ZFX: variants seen among roughly 807,000 people sequenced by gnomAD.
ZFX encodes zinc finger protein X-linked.
For missense variants in ZFX, 362 were observed against 628.3 expected (o/e 0.58, Z 4.53); for synonymous variants, 196 against 226.8 (o/e 0.86, Z 1.22).
chrX:24,198,398 C>G (rs935929569), intron 5 of ZFX, among the ~76,000 whole-genome samples: 5 of 109,205 alleles, frequency 4.6e-5, no homozygotes, highest in Non-Finnish European at 7.6e-5. Context: ...GATGGTCTCA[C>G]TATATTACCC....
chrX:24,165,971 A>G (rs1164790081), intron 3 of ZFX, among the ~76,000 whole-genome samples: 1 of 112,688 alleles, frequency 8.9e-6, no homozygotes, highest in Non-Finnish European at 1.9e-5. Context: ...GGATATTGCT[A>G]AATTATTGAA....
At chrX:24,155,612 A>G (rs1932746727) in intron 3 of ZFX, among the ~76,000 whole-genome samples, 3 of 112,435 alleles carry the variant, frequency 2.7e-5, no homozygotes, top group Non-Finnish European at 5.6e-5. Flanking sequence ...GGGAATTGCC[A>G]AAATGGCAAA....
chrX:24,153,325 C>T (rs756020026), intron 3 of ZFX, among the ~76,000 whole-genome samples: 8 of 111,467 alleles, frequency 7.2e-5, no homozygotes, highest in Admixed American at 2.9e-4. Context: ...CCCTTCATGC[C>T]TTTCCTGTCT....
chrX:24,183,921 A>G (rs1040232299), intron 5 of ZFX, among the ~76,000 whole-genome samples: 2 of 108,384 alleles, frequency 1.8e-5, no homozygotes, highest in African/African-American at 3.4e-5. Context: ...TGCCCAGCTA[A>G]TTTTTTTGTA....
intron 5 of ZFX, among the ~76,000 whole-genome samples, chrX:24,198,078 A>C (rs913826260): frequency 4.4e-5 from 5 of 112,407 alleles, no homozygotes; most frequent in Non-Finnish European, 9.4e-5. Flanking sequence ...CTAGCTATAA[A>C]ATATTTGGGG....
chrX:24,163,364 G>GTTT (rs66467960), intron 3 of ZFX, among the ~76,000 whole-genome samples: 707 of 19,063 alleles, frequency 0.037, 255 homozygotes, highest in Non-Finnish European at 0.047. Context: ...TTTTTGTTAG[G>GTTT]TTTTTTTTTT....
chrX:24,167,590 A>C (rs1294091084), intron 3 of ZFX, among the ~76,000 whole-genome samples: 2 of 112,037 alleles, frequency 1.8e-5, no homozygotes, highest in African/African-American at 3.2e-5. Context: ...AAAAAAGAAA[A>C]GATTGCTATG....
At chrX:24,160,097 A>G (rs917637561) in intron 3 of ZFX, among the ~76,000 whole-genome samples, 1 of 110,199 alleles carries the variant, frequency 9.1e-6, no homozygotes, top group Admixed American at 9.8e-5. Flanking sequence ...TTTTTAACAT[A>G]GTTATTTTTA....
In ZFX at chrX:24,213,679, T is replaced by TG. The variant is rs1454136249; in HGVS notation, c.*2303_*2304insG. ...TACCTTCTTGGCCCCCATAATGTGT[T>TG]TTTTTTTTTTTTTTTTTTTTAAACT... On this transcript the variant is annotated 3_prime_UTR_variant, in exon 10 of 10. Coordinates refer to ENST00000304543, the MANE Select transcript of ZFX (RefSeq NM_003410.4). 7.0e-5 allele frequency: 4 copies of TG among 57,472 alleles called. No individual in the cohort carries two copies. Among genetic ancestry groups the TG allele is most frequent in the South Asian group, 8.0e-4 (1 of 1,252 alleles). 4.7% of individuals were successfully genotyped at this position (57,472 alleles called of 1,213,427 possible). A position where few individuals can be genotyped will look rare whatever the true frequency, so the allele number is the denominator to read the frequency against.
chrX:24,211,639 A>G lies in ZFX; in HGVS notation c.*263A>G. 1 of 317,604 alleles carries G rather than the reference A, an allele frequency of 3.1e-6. No individual in the cohort carries two copies. The highest frequency in any genetic ancestry group is 5.4e-5 in the East Asian group (1 of 18,415). 26.2% of individuals were successfully genotyped at this position (317,604 alleles called of 1,213,427 possible). A position where few individuals can be genotyped will look rare whatever the true frequency, so the allele number is the denominator to read the frequency against. On this transcript the variant is annotated 3_prime_UTR_variant, in exon 10 of 10. Transcript: ENST00000304543. ...AAAGTAATCCCTGATTCTATACCGA[A>G]GTTTTATATCTTAGAATTTTATATT... is the stretch of plus-strand genomic sequence containing the variant.
At chrX:24,162,055 GAAA>G (rs202137665) in intron 3 of ZFX, among the ~76,000 whole-genome samples, 1 of 82,380 alleles carries the variant, frequency 1.2e-5, no homozygotes, top group Admixed American at 1.3e-4. Context: ...GTCTAAAAAG[GAAA>G]AAAAAAAAAA....
intron 5 of ZFX, among the ~76,000 whole-genome samples, chrX:24,188,192 T>A (rs746282222): frequency 0.01 from 1,009 of 100,823 alleles, 11 homozygotes; most frequent in African/African-American, 0.035. Context: ...AAAAAAAAAA[T>A]TTTTTTTTTG....
chrX:24,164,553 A>G (rs1319900116), intron 3 of ZFX, among the ~76,000 whole-genome samples: 1 of 111,900 alleles, frequency 8.9e-6, no homozygotes, highest in Non-Finnish European at 1.9e-5. Flanking sequence ...GAGATATAGT[A>G]TGGTCAATAT....
chrX:24,180,528 C>T (rs915912467), intron 5 of ZFX, among the ~76,000 whole-genome samples: 77 of 110,104 alleles, frequency 7.0e-4, no homozygotes, highest in African/African-American at 2.2e-3. Context: ...ATTGTAGGCA[C>T]GCACCACCAC....
Position 24,208,325 on chromosome X carries a change from A to G in ZFX, c.1048A>G (p.Asn350Asp), listed in dbSNP as rs1414885853. 3 of 1,209,467 alleles carry G rather than the reference A, an allele frequency of 2.5e-6. No homozygotes were observed. In the Admixed American group the frequency reaches 6.6e-5, roughly 27 times the overall value. The change falls in exon 8 of 10, where the codon AAT becomes GAT. Residue 350 changes from asparagine (N) to aspartate (D), a missense_variant. Asn to Asp is a conservative substitution (Grantham distance 23). Coordinates refer to ENST00000304543, the MANE Select transcript of ZFX (RefSeq NM_003410.4). ...AAVHEQQMDD[N>D]EIKTFMPIAW... is the part of the protein sequence containing the mutation. Reference sequence around the variant, plus strand: ...CGTGCACGAGCAGCAAATGGATGACAATGAAATCAAAACCTTCATGCCGAT... The same window carrying G: ...CGTGCACGAGCAGCAAATGGATGACGATGAAATCAAAACCTTCATGCCGAT...
At position 24,214,590 on chromosome X, in the gene ZFX, C is replaced by T. The variant is rs1419601044; in HGVS notation, c.*3214C>T. On this transcript the variant is annotated 3_prime_UTR_variant, in exon 10 of 10. Coordinates refer to ENST00000304543, the MANE Select transcript of ZFX (RefSeq NM_003410.4). ...CTTGATTGCTTTGAATTTTGTGACT[C>T]GGATGCAAATACTGGTAATATTTCA... The T allele has an allele frequency of 1.8e-5, 2 of 112,107 alleles. No individual in the cohort carries two copies. The highest frequency in any genetic ancestry group is 2.8e-4 in the East Asian group (1 of 3,607). 9.2% of individuals were successfully genotyped at this position (112,107 alleles called of 1,213,427 possible).
At chrX:24,160,249 A>T (rs900518382) in intron 3 of ZFX, among the ~76,000 whole-genome samples, 5 of 109,147 alleles carry the variant, frequency 4.6e-5, no homozygotes, top group African/African-American at 1.7e-4. Context: ...TAAAAACTAT[A>T]AAATTTTCTC....
At chrX:24,192,726 G>A (rs1237829530) in intron 5 of ZFX, among the ~76,000 whole-genome samples, 2 of 109,573 alleles carry the variant, frequency 1.8e-5, no homozygotes, top group African/African-American at 3.3e-5. Context: ...GACAACATCG[G>A]GAGACCCCAT....
At chrX:24,171,395 G>A (rs753057246) in intron 3 of ZFX, among the ~76,000 whole-genome samples, 3 of 111,145 alleles carry the variant, frequency 2.7e-5, no homozygotes, top group Middle Eastern at 4.6e-3. Context: ...TTGTGTACAT[G>A]CTGACAGTGG....
Sources: allele counts gnomAD v4.1 joint callset (sites outside exome capture counted in the v4.1 genomes callset), GRCh38; gene constraint gnomAD v4.1.1; transcripts MANE v1.5; gene names NCBI Gene and HGNC (gene_info 2026-07-23, HGNC 2026-07-21).